Variants in ANXA10 observed in about 807,000 individuals in gnomAD.
ANXA10 encodes annexin 14.
Under a neutral mutation model 53.5 loss-of-function variants are expected in ANXA10, and 49 were observed. That is an observed-to-expected ratio of 0.92 (90% CI 0.73 to 1.16). The LOEUF is 1.16. ANXA10 is among the 50% of genes most tolerant of loss of function. ANXA10 has a pLI of 0.00. For synonymous variants in ANXA10, 131 were observed against 128.9 expected, an observed-to-expected ratio of 1.02 and a Z score of -0.11; for missense variants, 393 against 394.4, an observed-to-expected ratio of 1.00 and a Z score of 0.03.
At chr4:168,152,106 A>T (rs149198332) in intron 3 of ANXA10, among the ~76,000 whole-genome samples, 1 of 152,352 alleles carries the variant, frequency 6.6e-6, no homozygotes, top group East Asian at 1.9e-4. Flanking sequence ...CATTCTACCT[A>T]TTCCACCTGG....
At chr4:168,178,784 C>A (rs1732183373) in intron 8 of ANXA10, among the ~76,000 whole-genome samples, 1 of 152,118 alleles carries the variant, frequency 6.6e-6, no homozygotes, top group Non-Finnish European at 1.5e-5. Flanking sequence ...TCAGAATATT[C>A]TTTATAGATA....
intron 1 of ANXA10, among the ~76,000 whole-genome samples, chr4:168,098,430 C>T (rs1730586303): frequency 6.6e-6 from 1 of 152,130 alleles, no homozygotes; most frequent in South Asian, 2.1e-4. Context: ...CACACACCCA[C>T]ATCCGACCCT....
At chr4:168,092,829 T>A in intron 1 of ANXA10, 111 bp downstream of exon 1, 1 of 1,013,330 alleles carries the variant, frequency 9.9e-7, no homozygotes, top group Non-Finnish European at 1.4e-6. Flanking sequence ...TCTAATTTGT[T>A]TTTATTCTTA....
At chr4:168,122,065 ACTC>A (rs1730995099) in intron 1 of ANXA10, among the ~76,000 whole-genome samples, 1 of 151,002 alleles carries the variant, frequency 6.6e-6, no homozygotes. Flanking sequence ...CATTTCGTGA[ACTC>A]CTGATCTTGT....
intron 4 of ANXA10, 55 bp from the exon 5 acceptor site, chr4:168,164,143 A>T (rs1365655957): frequency 2.3e-6 from 3 of 1,311,214 alleles, no homozygotes; most frequent in African/African-American, 1.5e-5. Context: ...CAAAAGGTAC[A>T]CTATTACTTC....
intron 1 of ANXA10, among the ~76,000 whole-genome samples, chr4:168,093,126 G>A (rs996702144): frequency 4.0e-5 from 6 of 151,896 alleles, no homozygotes; most frequent in South Asian, 4.1e-4. Context: ...TCCCACAGAG[G>A]CAAGTTACTT....
chr4:168,173,500 G>C (rs1189069510), intron 6 of ANXA10, among the ~76,000 whole-genome samples: 1 of 152,168 alleles, frequency 6.6e-6, no homozygotes, highest in Non-Finnish European at 1.5e-5. Context: ...AAAGACTACA[G>C]GGAGCCAAAG....
chr4:168,165,062 G>A (rs1450895226), intron 5 of ANXA10, 185 bp from the exon 6 acceptor site: 1 of 381,138 alleles, frequency 2.6e-6, no homozygotes, highest in Admixed American at 4.6e-5. Context: ...AAATAGTCCT[G>A]TGCTTATGTT....
At chr4:168,115,494 C>T (rs1468773541) in intron 1 of ANXA10, among the ~76,000 whole-genome samples, 1 of 111,054 alleles carries the variant, frequency 9.0e-6, no homozygotes, top group Non-Finnish European at 1.7e-5. Flanking sequence ...CTACAATACA[C>T]ACGCACACAC....
At chr4:168,172,824 T>C (rs1296823980) in intron 6 of ANXA10, among the ~76,000 whole-genome samples, 3 of 151,028 alleles carry the variant, frequency 2.0e-5, no homozygotes, top group Non-Finnish European at 4.4e-5. Context: ...AGTTTTGCTC[T>C]TGTCACCCAG....
chr4:168,099,488 A>G (rs1730606574), intron 1 of ANXA10, among the ~76,000 whole-genome samples: 1 of 152,140 alleles, frequency 6.6e-6, no homozygotes, highest in Non-Finnish European at 1.5e-5. Flanking sequence ...TAGTCCCTTC[A>G]CAGTAGAAAA....
intron 3 of ANXA10, among the ~76,000 whole-genome samples, chr4:168,156,957 T>TA (rs1731696389): frequency 6.6e-6 from 1 of 152,178 alleles, no homozygotes; most frequent in African/African-American, 2.4e-5. Context: ...TCAGGCTTAT[T>TA]AAAAAATCAT....
Position 168,174,448 on chromosome 4 carries a change from C to T in ANXA10, c.481-3292C>T, listed in dbSNP as rs537533848. ...TTGGAACAGCCAGCTGGACCCCATG[C>T]TCACTCGCTCACACATCCCCTCACT... On this transcript the variant is annotated intron_variant, in intron 6 of 11. Transcript: ENST00000359299. Among the ~76,000 whole-genome samples, 659 of 152,324 alleles carry T rather than the reference C, an allele frequency of 4.3e-3. 4 individuals are homozygous for T. Among genetic ancestry groups the T allele is most frequent in the African/African-American group, 0.015 (632 of 41,576 alleles).
chr4:168,112,281 G>A (rs999542086), intron 1 of ANXA10, among the ~76,000 whole-genome samples: 2 of 152,078 alleles, frequency 1.3e-5, no homozygotes, highest in Non-Finnish European at 2.9e-5. Flanking sequence ...CTCTGCAGCA[G>A]AGCAAGACTC....
chr4:168,102,077 C>T (rs747074786), intron 1 of ANXA10, among the ~76,000 whole-genome samples: 3 of 152,072 alleles, frequency 2.0e-5, no homozygotes, highest in South Asian at 2.1e-4. Context: ...AAGAGGAGTA[C>T]ATTGTTTGGA....
At chr4:168,167,947 T>C (rs1010213781) in intron 6 of ANXA10, among the ~76,000 whole-genome samples, 18 of 152,176 alleles carry the variant, frequency 1.2e-4, no homozygotes, top group African/African-American at 4.1e-4. Flanking sequence ...CAGTAAGTGG[T>C]TTCTCTTTGT....
At chr4:168,159,864 T>C (rs1226699583) in intron 3 of ANXA10, among the ~76,000 whole-genome samples, 3 of 152,190 alleles carry the variant, frequency 2.0e-5, no homozygotes, top group Non-Finnish European at 1.5e-5. Flanking sequence ...ATTAGGACTA[T>C]TTTGTAGTTA....
intron 1 of ANXA10, among the ~76,000 whole-genome samples, chr4:168,117,619 A>T (rs777880075): frequency 3.9e-5 from 6 of 152,184 alleles, no homozygotes; most frequent in Non-Finnish European, 7.3e-5. Flanking sequence ...AATCAATTTT[A>T]CCCATAGGCT....
At chr4:168,099,066 C>G (rs933841863) in intron 1 of ANXA10, among the ~76,000 whole-genome samples, 3 of 152,104 alleles carry the variant, frequency 2.0e-5, no homozygotes, top group Non-Finnish European at 2.9e-5. Context: ...TGTAGTAATA[C>G]TTTTTCAGTT....
Sources: gnomAD v4.1 joint callset for allele counts (sites outside exome capture counted in the v4.1 genomes callset) on GRCh38, gnomAD v4.1.1 for gene constraint, MANE v1.5 for transcripts, NCBI Gene and HGNC (gene_info 2026-07-23, HGNC 2026-07-21) for gene names.